The following ZNF892 variants were observed in gnomAD, a reference collection of about 807,000 sequenced individuals.
ZNF892 encodes the protein zinc finger protein 892.
chr2:95,262,498 C>T, the ZNF892 span, among the ~76,000 whole-genome samples: 1 of 152,154 alleles, frequency 6.6e-6, no homozygotes, highest in Admixed American at 6.5e-5. Flanking sequence ...TGGGGATGAC[C>T]TCTGGGAAGG....
At chr2:95,263,505 A>G in the ZNF892 span, among the ~76,000 whole-genome samples, 2 of 152,234 alleles carry the variant, frequency 1.3e-5, no homozygotes, top group Non-Finnish European at 2.9e-5. Context: ...CACATAAAAT[A>G]TTAAATTTTT....
At chr2:95,237,376 A>G in the ZNF892 span, among the ~76,000 whole-genome samples, 1 of 152,156 alleles carries the variant, frequency 6.6e-6, no homozygotes. Context: ...TTGAACTCCA[A>G]TCAGTGATCT....
At chr2:95,253,613 C>T in the ZNF892 span, among the ~76,000 whole-genome samples, 2 of 152,114 alleles carry the variant, frequency 1.3e-5, no homozygotes, top group Non-Finnish European at 2.9e-5. Context: ...TTTTCCAATT[C>T]TGTGAAAAAA....
chr2:95,243,644 C>A, the ZNF892 span, among the ~76,000 whole-genome samples: 1 of 152,042 alleles, frequency 6.6e-6, no homozygotes, highest in South Asian at 2.1e-4. Flanking sequence ...TGAGGAGCCC[C>A]TCCGCCTGGC....
the ZNF892 span, among the ~76,000 whole-genome samples, chr2:95,222,702 G>GGCTT: frequency 6.6e-6 from 1 of 152,088 alleles, no homozygotes; most frequent in Non-Finnish European, 1.5e-5. Flanking sequence ...TGTAGTTTGT[G>GGCTT]GCTTGTCTTT....
At chr2:95,243,550 G>A in the ZNF892 span, among the ~76,000 whole-genome samples, 5 of 150,926 alleles carry the variant, frequency 3.3e-5, no homozygotes, top group African/African-American at 1.2e-4. Context: ...CCCCGTCTGA[G>A]AAGTGAGGAG....
At chr2:95,244,593 C>T in the ZNF892 span, among the ~76,000 whole-genome samples, 1 of 152,116 alleles carries the variant, frequency 6.6e-6, no homozygotes, top group Non-Finnish European at 1.5e-5. Context: ...AATAATAGTG[C>T]AAGACCTTAA....
chr2:95,213,089 G>A, the ZNF892 span, among the ~76,000 whole-genome samples: 2 of 152,154 alleles, frequency 1.3e-5, no homozygotes, highest in African/African-American at 4.8e-5. Flanking sequence ...CCATTGAGTT[G>A]CTTACTCTGC....
chr2:95,237,244 T>G, the ZNF892 span, among the ~76,000 whole-genome samples: 2 of 151,282 alleles, frequency 1.3e-5, no homozygotes, highest in Non-Finnish European at 2.9e-5. Context: ...ACCTCCTGGG[T>G]TCAAGTGATT....
the ZNF892 span, among the ~76,000 whole-genome samples, chr2:95,231,055 C>T: frequency 1.3e-5 from 2 of 152,182 alleles, no homozygotes; most frequent in African/African-American, 4.8e-5. Context: ...TATAAAGATA[C>T]CCATTGACCC....
At chr2:95,225,988 T>TGTTCCTGCAGCTCTCCCA in the ZNF892 span, among the ~76,000 whole-genome samples, 1 of 152,214 alleles carries the variant, frequency 6.6e-6, no homozygotes, top group Non-Finnish European at 1.5e-5. Flanking sequence ...GTTGAAATCT[T>TGTTCCTGCAGCTCTCCCA]GTTCCTGCAG....
At chr2:95,251,003 C>G in the ZNF892 span, among the ~76,000 whole-genome samples, 1 of 148,766 alleles carries the variant, frequency 6.7e-6, no homozygotes. Context: ...ATAAATATTA[C>G]ATAAATATTT....
chr2:95,238,317 C>G, the ZNF892 span, among the ~76,000 whole-genome samples: 1 of 152,218 alleles, frequency 6.6e-6, no homozygotes, highest in Admixed American at 6.5e-5. Flanking sequence ...GAAATCTACT[C>G]TGTCTGTGCT....
At chr2:95,262,686 C>T in the ZNF892 span, among the ~76,000 whole-genome samples, 4 of 152,178 alleles carry the variant, frequency 2.6e-5, no homozygotes, top group African/African-American at 9.7e-5. Flanking sequence ...GGGTTGTTGA[C>T]ATTTATGGTG....
At chr2:95,258,050 C>T in the ZNF892 span, among the ~76,000 whole-genome samples, 85 of 152,270 alleles carry the variant, frequency 5.6e-4, no homozygotes, top group South Asian at 8.3e-4. Context: ...CTTTGGCTCA[C>T]GCTCGGTGTG....
At chr2:95,248,290 C>T in the ZNF892 span, among the ~76,000 whole-genome samples, 1 of 152,126 alleles carries the variant, frequency 6.6e-6, no homozygotes, top group South Asian at 2.1e-4. Context: ...ACACTGGGTA[C>T]TCATGGACAC....
the ZNF892 span, among the ~76,000 whole-genome samples, chr2:95,237,703 AAC>A: frequency 1.1e-4 from 17 of 152,242 alleles, no homozygotes; most frequent in Admixed American, 6.5e-5. Flanking sequence ...TGTTGCACCA[AAC>A]AGTTAGCGAA....
the ZNF892 span, chr2:95,208,708 C>T: frequency 7.5e-6 from 3 of 398,530 alleles, no homozygotes; most frequent in Non-Finnish European, 1.3e-5. Context: ...AATGACGTGA[C>T]TGCTGTGCTG....
the ZNF892 span, among the ~76,000 whole-genome samples, chr2:95,213,473 C>T: frequency 6.6e-6 from 1 of 152,174 alleles, no homozygotes; most frequent in African/African-American, 2.4e-5. Context: ...CCCTCAAATT[C>T]TTACTAGGAA....
Sources: allele counts gnomAD v4.1 joint callset (sites outside exome capture counted in the v4.1 genomes callset), GRCh38; gene constraint gnomAD v4.1.1; transcripts MANE v1.5; gene names NCBI Gene and HGNC (gene_info 2026-07-23, HGNC 2026-07-21).